The following ATXN3 variants were observed in gnomAD, a reference collection of about 807,000 sequenced individuals.
ATXN3 encodes the protein ataxin-3.
In ATXN3, 28 loss-of-function variants were observed where a neutral mutation model predicts 58.2. The observed-to-expected ratio is 0.48, with a 90% CI of 0.36 to 0.66. ATXN3 has a LOEUF of 0.66. ATXN3 is among the 30% of genes least tolerant of loss of function. ATXN3 has a pLI of 0.00. For missense variants in ATXN3, 321 were observed against 422.1 expected (o/e 0.76, Z 2.10); for synonymous variants, 113 against 138.5 (o/e 0.82, Z 1.29).
At chr14:92,086,354 G>A (rs923250133) in intron 6 of ATXN3, among the ~76,000 whole-genome samples, 4 of 151,560 alleles carry the variant, frequency 2.6e-5, no homozygotes, top group Non-Finnish European at 5.9e-5. Flanking sequence ...CCTGAGGTCA[G>A]GAGTTGGAGA....
intron 6 of ATXN3, among the ~76,000 whole-genome samples, chr14:92,083,776 T>C (rs1595771868): frequency 6.6e-6 from 1 of 152,316 alleles, no homozygotes; most frequent in East Asian, 1.9e-4. Context: ...TGCGAGGGTG[T>C]TGCCAAAGGA....
intron 5 of ATXN3, among the ~76,000 whole-genome samples, chr14:92,089,170 C>A (rs8022601): frequency 1.3e-5 from 2 of 150,978 alleles, no homozygotes; most frequent in South Asian, 4.2e-4. Flanking sequence ...GTCTGCACCA[C>A]CACACCCAGC....
rs1273833666 is a variant in ATXN3 at position 92,106,537 on chromosome 14, G to A, written c.16C>T (p.His6Tyr). The change falls in exon 1 of 11, where the codon CAC (histidine) becomes TAC (tyrosine). Residue 6 changes from histidine (H) to tyrosine (Y), a missense_variant. By Grantham distance (83) the His-to-Tyr change is moderately conservative (BLOSUM62 2). This residue lies in a region of ATXN3 where 121 missense variants were observed against 198.9 expected (regional missense o/e 0.61). Transcript: ENST00000644486. Reference sequence around the variant, plus strand: ...CGAACGCGGACACTCACTTTCTCGTGGAAGATGGACTCCATGTTTATTTGT... The same window carrying A: ...CGAACGCGGACACTCACTTTCTCGTAGAAGATGGACTCCATGTTTATTTGT... Reference protein sequence around the residue: MESIFHEKQEGSLCAQ... With the variant: MESIFYEKQEGSLCAQ... 1 of 1,613,394 alleles carries A rather than the reference G, an allele frequency of 6.2e-7. No individual in the cohort carries two copies. The highest frequency in any genetic ancestry group is 2.2e-5 in the East Asian group (1 of 44,808).
chr14:92,081,035 T>C lies in ATXN3; in HGVS notation c.802A>G (p.Met268Val). The C allele has an allele frequency of 1.2e-6, 2 of 1,611,290 alleles. No homozygotes were observed. Among genetic ancestry groups the C allele is most frequent in the South Asian group, 1.1e-5 (1 of 90,974 alleles). Residue 268 changes from methionine to valine, a missense_variant, in exon 9 of 11, where the codon ATG becomes GTG. By Grantham distance (21) the Met-to-Val change is conservative (BLOSUM62 1). Transcript: ENST00000644486. Reference protein sequence around the residue: ...QGSSRNISQDMTQTSGTNLTS... With the variant: ...QGSSRNISQDVTQTSGTNLTS... The stretch of plus-strand genomic sequence containing the variant: ...AGATTTGTACCTGATGTCTGTGTCA[T>C]ATCTTGAGATATGTTTCTGGAACTA...
chr14:92,065,544 G>A (rs76497846), intron 10 of ATXN3, among the ~76,000 whole-genome samples: 61,036 of 151,512 alleles, frequency 0.4, 13,015 homozygotes, highest in African/African-American at 0.55. Context: ...GACCAGCCTG[G>A]GCAATTGCGT....
At chr14:92,065,676 T>C (rs2058264088) in intron 10 of ATXN3, among the ~76,000 whole-genome samples, 1 of 152,154 alleles carries the variant, frequency 6.6e-6, no homozygotes, top group South Asian at 2.1e-4. Flanking sequence ...GGTTAGGAGA[T>C]GGAGACCATC....
At chr14:92,096,575 G>A in intron 2 of ATXN3, 99 bp downstream of exon 2, 1 of 1,243,020 alleles carries the variant, frequency 8.0e-7, no homozygotes, top group Non-Finnish European at 1.1e-6. Flanking sequence ...AGTGAGCCGA[G>A]ATCGCGCCAT....
intron 5 of ATXN3, among the ~76,000 whole-genome samples, chr14:92,089,630 G>A (rs1268106834): frequency 2.6e-5 from 4 of 152,160 alleles, no homozygotes; most frequent in East Asian, 3.9e-4. Context: ...GAGCCACCGC[G>A]CCCGGCCCTG....
At position 92,060,270 on chromosome 14, in the gene ATXN3, A is replaced by ATACACACATATATATATATATATATTTTT. The variant is rs1555392594; in HGVS notation, c.*4049_*4050insAAAAATATATATATATATATATGTGTGTA. 1 of 117,422 alleles carries ATACACACATATATATATATATATATTTTT rather than the reference A, an allele frequency of 8.5e-6. No individual in the cohort carries two copies. Among genetic ancestry groups the ATACACACATATATATATATATATATTTTT allele is most frequent in the African/African-American group, 3.5e-5 (1 of 28,296 alleles). The allele number at this position is 117,422 out of a possible 1,614,324, so 7.3% of individuals were successfully genotyped here. ...CACACATATATATATATATATATAT[A>ATACACACATATATATATATATATATTTTT]TTTTTTTTTTTCAGAAACAGTGTCT... On this transcript the variant is annotated 3_prime_UTR_variant, in exon 11 of 11. Coordinates refer to ENST00000644486, the MANE Select transcript of ATXN3 (RefSeq NM_004993.6).
rs1325366105 is a variant in ATXN3 at position 92,088,129 on chromosome 14, C to T, written c.475+601G>A. On this transcript the variant is annotated intron_variant, in intron 6 of 10. Transcript: ENST00000644486. Reference sequence around the variant, plus strand: ...TGTCGCCCAGGCTGGAGGGCAGTGGCGCGATCTCAGCTCACTGCAAGCTCC... The same window carrying T: ...TGTCGCCCAGGCTGGAGGGCAGTGGTGCGATCTCAGCTCACTGCAAGCTCC... Among the ~76,000 whole-genome samples, 5 of 150,990 alleles carry T rather than the reference C, an allele frequency of 3.3e-5. No individual in the cohort carries two copies. In the East Asian group the frequency reaches 5.9e-4, roughly 18 times the overall value.
At position 92,093,181 on chromosome 14, in the gene ATXN3, C is replaced by T. The variant is rs578071549; in HGVS notation, c.387+71G>A. On this transcript the variant is annotated intron_variant, in intron 5 of 10. Transcript: ENST00000644486. Reference sequence around the variant, plus strand: ...AAACTGTTGGCATGAGCCACCACACCTGGCCCACATTTTAGTTTTAAATGG... The same window carrying T: ...AAACTGTTGGCATGAGCCACCACACTTGGCCCACATTTTAGTTTTAAATGG... 136 of 1,062,048 alleles carry T rather than the reference C, an allele frequency of 1.3e-4. No homozygotes were observed. In the East Asian group the frequency reaches 3.5e-3, roughly 27 times the overall value. The allele number at this position is 1,062,048 out of a possible 1,614,324, so 65.8% of individuals were successfully genotyped here. A position where few individuals can be genotyped will look rare whatever the true frequency, so the allele number is the denominator to read the frequency against.
At chr14:92,104,177 GT>G (rs1218537582) in intron 1 of ATXN3, among the ~76,000 whole-genome samples, 2 of 152,268 alleles carry the variant, frequency 1.3e-5, no homozygotes, top group African/African-American at 4.8e-5. Context: ...GTCTCGCTCT[GT>G]TGCCCAGGCT....
intron 1 of ATXN3, 124 bp downstream of exon 1, chr14:92,106,405 C>A (rs1478176785): frequency 7.7e-7 from 1 of 1,301,922 alleles, no homozygotes; most frequent in East Asian, 2.5e-5. Flanking sequence ...GGCGTCGCCC[C>A]TCGCCGGGCG....
At chr14:92,103,345 T>C (rs887535770) in intron 1 of ATXN3, among the ~76,000 whole-genome samples, 4 of 152,208 alleles carry the variant, frequency 2.6e-5, no homozygotes, top group African/African-American at 9.6e-5. Flanking sequence ...CTGCAAAGCC[T>C]TAAAATATTT....
At chr14:92,057,692 T>TA (rs1286081251), downstream of ATXN3, among the ~76,000 whole-genome samples, 6 of 152,130 alleles carry the variant, frequency 3.9e-5, no homozygotes, top group African/African-American at 1.4e-4. Flanking sequence ...CCTCATAAAA[T>TA]TTGAGGACAA....
intron 6 of ATXN3, among the ~76,000 whole-genome samples, chr14:92,085,231 G>A (rs1489374085): frequency 6.6e-6 from 1 of 150,940 alleles, no homozygotes; most frequent in Non-Finnish European, 1.5e-5. Flanking sequence ...CTGTCACCCA[G>A]GCTGGAGTGC....
intron 3 of ATXN3, among the ~76,000 whole-genome samples, chr14:92,094,434 A>G (rs1049967737): frequency 6.6e-6 from 1 of 152,210 alleles, no homozygotes; most frequent in Non-Finnish European, 1.5e-5. Flanking sequence ...AAACTAGTCT[A>G]CTATATACAT....
At chr14:92,079,753 T>C (rs1595719353) in intron 9 of ATXN3, among the ~76,000 whole-genome samples, 1 of 152,226 alleles carries the variant, frequency 6.6e-6, no homozygotes, top group South Asian at 2.1e-4. Flanking sequence ...CTCTTTTTTT[T>C]TGAGACGAAG....
intron 5 of ATXN3, chr14:92,090,245 G>A (rs1236895443): frequency 6.6e-6 from 1 of 152,108 alleles, no homozygotes; most frequent in Non-Finnish European, 1.5e-5. Context: ...TGGGACTACA[G>A]GTGTGCACCA....
Sources: gnomAD v4.1 joint callset for allele counts (sites outside exome capture counted in the v4.1 genomes callset) on GRCh38, gnomAD v4.1.1 for gene constraint, gnomAD v4.1.1 regional missense constraint, MANE v1.5 for transcripts, NCBI Gene and HGNC (gene_info 2026-07-23, HGNC 2026-07-21) for gene names.